Variants in HSD17B2 observed in about 807,000 individuals in gnomAD.
HSD17B2 encodes hydroxysteroid 17-beta dehydrogenase 2.
A neutral mutation model predicts 26.9 loss-of-function variants in HSD17B2; 32 were observed. That is an observed-to-expected ratio of 1.19 (90% CI 0.90 to 1.60). The LOEUF (loss-of-function observed/expected upper bound fraction) is 1.60, where lower values mean the gene tolerates loss of function less well. HSD17B2 is among the 40% of genes most tolerant of loss of function. The pLI is 0.00. For missense variants in HSD17B2, 613 were observed against 468.6 expected, an observed-to-expected ratio of 1.31 and a Z score of -2.85; for synonymous variants, 246 against 186.7, an observed-to-expected ratio of 1.32 and a Z score of -2.59.
chr16:82,087,848 A>G (rs1295152167), intron 3 of HSD17B2, among the ~76,000 whole-genome samples: 3 of 152,118 alleles, frequency 2.0e-5, no homozygotes, highest in Non-Finnish European at 4.4e-5. Flanking sequence ...AAAGAGAAAG[A>G]GAGCGAAAGG....
At chr16:82,067,254 A>T (rs1224057325) in intron 1 of HSD17B2, among the ~76,000 whole-genome samples, 1 of 152,244 alleles carries the variant, frequency 6.6e-6, no homozygotes, top group Non-Finnish European at 1.5e-5. Context: ...TCCAAGGAAG[A>T]TCACATGACA....
intron 3 of HSD17B2, among the ~76,000 whole-genome samples, chr16:82,085,328 G>A (rs1428399530): frequency 1.3e-5 from 2 of 152,196 alleles, no homozygotes; most frequent in Non-Finnish European, 2.9e-5. Flanking sequence ...AGTGGGTAGA[G>A]CAAGACTGAG....
chr16:82,061,849 T>A (rs1914447147), intron 1 of HSD17B2, among the ~76,000 whole-genome samples: 1 of 152,228 alleles, frequency 6.6e-6, no homozygotes, highest in Non-Finnish European at 1.5e-5. Context: ...GTTTGTAAAT[T>A]TATCCCCCAT....
intron 1 of HSD17B2, among the ~76,000 whole-genome samples, chr16:82,043,528 G>C (rs1348210751): frequency 7.0e-6 from 1 of 142,040 alleles, no homozygotes; most frequent in Non-Finnish European, 1.5e-5. Flanking sequence ...ACTAAAAATA[G>C]AAAAAATCAG....
At chr16:82,090,302 G>GCTTTTT in intron 3 of HSD17B2, 1 of 40,086 alleles carries the variant, frequency 2.5e-5, no homozygotes, top group East Asian at 9.0e-4. Context: ...AAACTACATT[G>GCTTTTT]TTTTTTTTTT....
At chr16:82,071,506 C>G (rs1363170801) in intron 3 of HSD17B2, 2 of 339,894 alleles carry the variant, frequency 5.9e-6, no homozygotes, top group Non-Finnish European at 1.1e-5. Context: ...TGTTCAGTTC[C>G]CTGTAAGCTG....
intron 3 of HSD17B2, among the ~76,000 whole-genome samples, chr16:82,085,577 A>T (rs1403948820): frequency 7.2e-6 from 1 of 139,574 alleles, no homozygotes; most frequent in Non-Finnish European, 1.6e-5. Context: ...GGAGGGGCAT[A>T]AAAAAAAAAA....
At chr16:82,072,172 G>A (rs926469599) in intron 3 of HSD17B2, among the ~76,000 whole-genome samples, 3 of 152,122 alleles carry the variant, frequency 2.0e-5, no homozygotes, top group Non-Finnish European at 2.9e-5. Flanking sequence ...TTTGACTAGA[G>A]TCTTGGTTGG....
intron 1 of HSD17B2, among the ~76,000 whole-genome samples, chr16:82,036,756 A>T (rs1174484092): frequency 2.0e-5 from 3 of 152,178 alleles, no homozygotes; most frequent in African/African-American, 4.8e-5. Context: ...GTTTAGAGGG[A>T]GAAAATTCAG....
rs577512986 is a variant in HSD17B2 at position 82,081,238 on chromosome 16, C to T, written c.665-9664C>T. On this transcript the variant is annotated intron_variant, in intron 3 of 4. Transcript: ENST00000199936. ...TGCTGTTTATTTGTCTGCTCTATTC[C>T]CTCCCTCTCTGAAACTCTCAGAAGC... Among the ~76,000 whole-genome samples, 11 of 151,958 alleles carry T rather than the reference C, an allele frequency of 7.2e-5. No individual in the cohort carries two copies. In the South Asian group the frequency reaches 2.3e-3, roughly 32 times the overall value.
chr16:82,057,945 A>G (rs776308893), intron 1 of HSD17B2, among the ~76,000 whole-genome samples: 5 of 152,252 alleles, frequency 3.3e-5, no homozygotes, highest in Non-Finnish European at 5.9e-5. Flanking sequence ...GAAAAAGGAC[A>G]TTAGGTAAAA....
At chr16:82,059,364 G>C (rs2143958067) in intron 1 of HSD17B2, among the ~76,000 whole-genome samples, 1 of 152,254 alleles carries the variant, frequency 6.6e-6, no homozygotes, top group East Asian at 1.9e-4. Flanking sequence ...TATTCCCCAG[G>C]GGACAAAATT....
chr16:82,069,216 C>A (rs1914641833), intron 2 of HSD17B2, among the ~76,000 whole-genome samples: 1 of 152,192 alleles, frequency 6.6e-6, no homozygotes, highest in African/African-American at 2.4e-5. Context: ...CTTCCAGCTC[C>A]ACCCATGTCC....
chr16:82,078,554 G>T (rs1444372847), intron 3 of HSD17B2, among the ~76,000 whole-genome samples: 1 of 152,178 alleles, frequency 6.6e-6, no homozygotes, highest in African/African-American at 2.4e-5. Context: ...ATATCAAAGA[G>T]ATATCTGCAG....
chr16:82,091,072 C>G, intron 4 of HSD17B2, 33 bp downstream of exon 4: 2 of 1,611,614 alleles, frequency 1.2e-6, no homozygotes, highest in Non-Finnish European at 1.7e-6. Context: ...CTGTGATGTT[C>G]ATCCTGGAAG....
chr16:82,095,131 G>T (rs1419045299), intron 4 of HSD17B2: 1 of 152,190 alleles, frequency 6.6e-6, no homozygotes, highest in African/African-American at 2.4e-5. Context: ...AGAGTGGCCA[G>T]AAATTCCATG....
chr16:82,088,175 A>T (rs1398831134), intron 3 of HSD17B2, among the ~76,000 whole-genome samples: 1 of 152,222 alleles, frequency 6.6e-6, no homozygotes, highest in Non-Finnish European at 1.5e-5. Flanking sequence ...GGTGGCTCTT[A>T]GTAATCCACA....
intron 1 of HSD17B2, among the ~76,000 whole-genome samples, chr16:82,036,558 C>T (rs1597116708): frequency 6.6e-6 from 1 of 151,942 alleles, no homozygotes; most frequent in South Asian, 2.1e-4. Context: ...TGACCATGAT[C>T]CTCAGGGTGA....
At chr16:82,067,642 G>T (rs1193474152) in intron 1 of HSD17B2, among the ~76,000 whole-genome samples, 1 of 152,176 alleles carries the variant, frequency 6.6e-6, no homozygotes, top group Non-Finnish European at 1.5e-5. Context: ...GGCCCAGGAG[G>T]GTGAGAAACA....
Sources: gnomAD v4.1 joint callset for allele counts (sites outside exome capture counted in the v4.1 genomes callset) on GRCh38, gnomAD v4.1.1 for gene constraint, MANE v1.5 for transcripts, NCBI Gene and HGNC (gene_info 2026-07-23, HGNC 2026-07-21) for gene names.